USP54: variants seen among roughly 807,000 people sequenced by gnomAD.
USP54 encodes the protein ubiquitin carboxyl-terminal hydrolase 54.
USP54 carries 87 observed loss-of-function variants against 170.5 expected under a neutral mutation model. The ratio of observed to expected loss-of-function variants is 0.51; its 90% confidence interval spans 0.43 to 0.61. The LOEUF (loss-of-function observed/expected upper bound fraction) is 0.61. USP54 is among the 20% of genes least tolerant of loss of function. The probability of loss-of-function intolerance (pLI) is 0.00; values close to 1 mark genes in which losing one functional copy is unlikely to be tolerated. For missense variants in USP54, 1,786 were observed against 2,047.8 expected, an observed-to-expected ratio of 0.87 and a Z score of 2.47; for synonymous variants, 655 against 742.8, an observed-to-expected ratio of 0.88 and a Z score of 1.92.
At chr10:73,596,244 A>G (rs758852665), upstream of USP54, among the ~76,000 whole-genome samples, 21 of 152,046 alleles carry the variant, frequency 1.4e-4, no homozygotes, top group Non-Finnish European at 2.6e-4. Flanking sequence ...CAACATGGTG[A>G]AACCCCATCT....
In USP54 at chr10:73,502,062, C is replaced by T. The variant is rs533677499; in HGVS notation, c.4312-1224G>A. ...CCCTATTTCTTTTTACTTCTGTATCCGCAGCACCTTGAACAGTGCCTAGAA... is the reference window on the plus strand; with the variant it reads ...CCCTATTTCTTTTTACTTCTGTATCTGCAGCACCTTGAACAGTGCCTAGAA... On this transcript the variant is annotated intron_variant, in intron 22 of 23. Transcript: ENST00000687698. 2.6e-5 allele frequency among the ~76,000 whole-genome samples: 4 copies of T among 152,084 alleles called. No homozygotes were observed. In the East Asian group the frequency reaches 5.8e-4, roughly 22 times the overall value.
chr10:73,530,077 C>G lies in USP54; in HGVS notation c.1828+66G>C, dbSNP rs1315273995. 6 of 1,531,596 alleles carry G rather than the reference C, an allele frequency of 3.9e-6. No homozygotes were observed. In the East Asian group the frequency reaches 1.4e-4, roughly 35 times the overall value. 94.9% of individuals were successfully genotyped at this position (1,531,596 alleles called of 1,614,324 possible). On this transcript the variant is annotated intron_variant, in intron 14 of 23. Transcript: ENST00000687698. ...CCCTTGCCAGATGTACCAAAAAACC[C>G]AGGTTTTAAAAAGACATAAATCAAC... is the stretch of plus-strand genomic sequence containing the variant.
intron 4 of USP54, among the ~76,000 whole-genome samples, chr10:73,570,147 G>A (rs775714009): frequency 6.6e-6 from 1 of 151,836 alleles, no homozygotes; most frequent in Non-Finnish European, 1.5e-5. Context: ...AAATGACTGT[G>A]GAAGCTTACT....
chr10:73,549,745 C>T (rs2068780244), intron 4 of USP54, among the ~76,000 whole-genome samples: 1 of 152,200 alleles, frequency 6.6e-6, no homozygotes, highest in South Asian at 2.1e-4. Flanking sequence ...TGACTGATCC[C>T]CTTGTCTCCC....
chr10:73,617,725 T>C (rs1225110326), intron 1 of USP54, among the ~76,000 whole-genome samples: 1 of 149,270 alleles, frequency 6.7e-6, no homozygotes, highest in Non-Finnish European at 1.5e-5. Flanking sequence ...GGAAAAGCTT[T>C]GTTGAGAGGG....
At chr10:73,566,879 T>C (rs1404561265) in intron 4 of USP54, among the ~76,000 whole-genome samples, 1 of 152,030 alleles carries the variant, frequency 6.6e-6, no homozygotes, top group East Asian at 1.9e-4. Flanking sequence ...TTTGTTTTTT[T>C]GTTTTGTTTT....
At chr10:73,606,865 C>T (rs1239787909) in intron 1 of USP54, among the ~76,000 whole-genome samples, 6 of 131,404 alleles carry the variant, frequency 4.6e-5, no homozygotes, top group South Asian at 4.7e-4. Context: ...GGTGACAGAG[C>T]GAGACAATAT....
At chr10:73,540,111 A>C (rs922205352) in intron 9 of USP54, among the ~76,000 whole-genome samples, 6 of 151,846 alleles carry the variant, frequency 4.0e-5, no homozygotes, top group Non-Finnish European at 7.4e-5. Context: ...CATCTCAAAA[A>C]AAGAAAGAAA....
chr10:73,548,580 G>C (rs1177347892), intron 4 of USP54, among the ~76,000 whole-genome samples: 1 of 152,102 alleles, frequency 6.6e-6, no homozygotes, highest in East Asian at 1.9e-4. Flanking sequence ...TCCTTTGCAG[G>C]GACATGGATG....
chr10:73,553,698 T>C (rs894810215), intron 4 of USP54, among the ~76,000 whole-genome samples: 3 of 152,134 alleles, frequency 2.0e-5, no homozygotes, highest in African/African-American at 4.8e-5. Flanking sequence ...CAAGAATCAC[T>C]TTTCCTGTGA....
intron 1 of USP54, among the ~76,000 whole-genome samples, chr10:73,608,522 C>G (rs1380978130): frequency 6.6e-6 from 1 of 152,104 alleles, no homozygotes; most frequent in Non-Finnish European, 1.5e-5. Flanking sequence ...TAAGAACTGA[C>G]ATCTATCACT....
In USP54 at chr10:73,498,677, G is replaced by A; in HGVS notation, c.5007C>T (p.Pro1669=). The change falls in exon 24 of 24, where the codon CCC becomes CCT. Residue 1669 remains proline (P), a synonymous_variant. Transcript: ENST00000687698. ...EGFLFVLSDA[P]RREQIRARVL... is the part of the protein sequence containing the mutation. The stretch of plus-strand genomic sequence containing the variant: ...CTCTAGCCCTGATCTGCTCTCTTCT[G>A]GGAGCATCTGATAGAACAAACAGAA... 6.3e-7 allele frequency: 1 copy of A among 1,597,072 alleles called. No individual in the cohort carries two copies. The highest frequency in any genetic ancestry group is 8.5e-7 in the Non-Finnish European group (1 of 1,171,026).
Position 73,516,754 on chromosome 10 carries a change from C to T in USP54, c.3672G>A (p.Gln1224=). The change falls in exon 20 of 24, where the codon CAG becomes CAA. Residue 1224 remains glutamine (Q), a synonymous_variant. Coordinates refer to ENST00000687698, the MANE Select transcript of USP54 (RefSeq NM_001391956.1). ...ATATGTCTGGCTCTGCCAACCTGGGCTGTCCTCCGCTAGAAGTTTCACCAT... is the reference window on the plus strand; with the variant it reads ...ATATGTCTGGCTCTGCCAACCTGGGTTGTCCTCCGCTAGAAGTTTCACCAT... ...LPNGETSSGG[Q]PRLAEPDIYQ... 1 of 1,614,166 alleles carries T rather than the reference C, an allele frequency of 6.2e-7. No individual in the cohort carries two copies. Among genetic ancestry groups the T allele is most frequent in the Non-Finnish European group, 8.5e-7 (1 of 1,180,038 alleles).
In USP54 at chr10:73,624,743, G is replaced by A. The variant is rs530914856; in HGVS notation, c.-18+824C>T. Among the ~76,000 whole-genome samples the A allele has an allele frequency of 3.9e-4, 59 of 152,284 alleles. No individual in the cohort carries two copies. In the South Asian group the frequency reaches 5.6e-3, roughly 14 times the overall value. ...GGTCCACACCTGTTTCCAGAAAACA[G>A]TCCTTAAGACTCAAAGACTAGATGT... On this transcript the variant is annotated intron_variant, in intron 1 of 22. Coordinates refer to the USP54 transcript ENST00000339859.
chr10:73,547,766 A>G (rs1376256398), intron 4 of USP54, among the ~76,000 whole-genome samples: 1 of 152,184 alleles, frequency 6.6e-6, no homozygotes, highest in Non-Finnish European at 1.5e-5. Flanking sequence ...TCAGACTAAA[A>G]CCATAAAAAC....
intron 20 of USP54, among the ~76,000 whole-genome samples, chr10:73,510,498 C>T (rs2060034199): frequency 6.9e-6 from 1 of 145,698 alleles, no homozygotes. Context: ...GTTGCCCAGG[C>T]TGTAGTGCAA....
chr10:73,577,613 T>C (rs2076296401), intron 1 of USP54, among the ~76,000 whole-genome samples: 1 of 152,204 alleles, frequency 6.6e-6, no homozygotes. Context: ...TAGCTATTAA[T>C]AGTTCCATTT....
chr10:73,546,151 C>G (rs2067750361), intron 4 of USP54, among the ~76,000 whole-genome samples: 2 of 151,974 alleles, frequency 1.3e-5, no homozygotes, highest in African/African-American at 4.8e-5. Context: ...AGTCTAATAC[C>G]CAGAAATAAA....
At chr10:73,601,921 C>G (rs2079194987) in intron 1 of USP54, among the ~76,000 whole-genome samples, 1 of 152,212 alleles carries the variant, frequency 6.6e-6, no homozygotes. Context: ...AAGTCCTTCA[C>G]CACTGCCCTG....
Sources: allele counts gnomAD v4.1 joint callset (sites outside exome capture counted in the v4.1 genomes callset), GRCh38; gene constraint gnomAD v4.1.1; transcripts MANE v1.5; gene names NCBI Gene and HGNC (gene_info 2026-07-23, HGNC 2026-07-21).